SKIC2: variants seen among roughly 807,000 people sequenced by gnomAD.
SKIC2 encodes the protein superkiller complex protein 2.
At chr6:31,962,201 G>A in the SKIC2 span, 3 of 955,466 alleles carry the variant, frequency 3.1e-6, no homozygotes, top group Non-Finnish European at 4.8e-6. This position sits in a 1 kb window ranked among gnomAD's most constrained non-coding sequence, Gnocchi z 5.0. Context: ...AGCCCAGAGA[G>A]AAATGAAAAG....
chr6:31,968,939 C>CA, the SKIC2 span: 22 of 1,612,968 alleles, frequency 1.4e-5, no homozygotes, highest in Non-Finnish European at 1.9e-5. This position sits in a 1 kb window ranked among gnomAD's most constrained non-coding sequence, Gnocchi z 6.1. Context: ...TGGCTTGTGC[C>CA]ATGAGCAGCC....
At chr6:31,969,741 A>G in the SKIC2 span, 3 of 1,583,528 alleles carry the variant, frequency 1.9e-6, no homozygotes, top group South Asian at 3.5e-5. This position sits in a 1 kb window ranked among gnomAD's most constrained non-coding sequence, Gnocchi z 6.1. Context: ...ACATGATGAT[A>G]AAACAGCAAA....
the SKIC2 span, chr6:31,959,986 C>A: frequency 1.3e-6 from 2 of 1,506,960 alleles, no homozygotes; most frequent in Admixed American, 1.7e-5. Flanking sequence ...TTACCTAATG[C>A]CTCTCATCTT....
chr6:31,967,744 C>A, the SKIC2 span: 3 of 1,613,048 alleles, frequency 1.9e-6, no homozygotes, highest in Non-Finnish European at 2.5e-6. This position sits in a 1 kb window ranked among gnomAD's most constrained non-coding sequence, Gnocchi z 4.9. Flanking sequence ...GCAGAGTATT[C>A]ACAACCCTGG....
At chr6:31,962,061 G>A in the SKIC2 span, 7 of 1,611,876 alleles carry the variant, frequency 4.3e-6, no homozygotes, top group Admixed American at 1.2e-4. This position sits in a 1 kb window ranked among gnomAD's most constrained non-coding sequence, Gnocchi z 5.0. Context: ...CACGGTATGA[G>A]TTCCTTTGCC....
the SKIC2 span, chr6:31,967,683 C>G: frequency 2.5e-6 from 4 of 1,610,004 alleles, no homozygotes; most frequent in Non-Finnish European, 3.4e-6. This position sits in a 1 kb window ranked among gnomAD's most constrained non-coding sequence, Gnocchi z 4.9. Flanking sequence ...CTCATCACAC[C>G]CCCCTCTCCT....
At chr6:31,959,923 T>C in the SKIC2 span, 1 of 970,734 alleles carries the variant, frequency 1.0e-6, no homozygotes, top group Non-Finnish European at 1.6e-6. Context: ...CTGCCATTTC[T>C]GATCTGAACA....
chr6:31,962,408 G>T, the SKIC2 span: 27 of 1,613,384 alleles, frequency 1.7e-5, no homozygotes, highest in Admixed American at 4.3e-4. The surrounding 1 kb of genome is among the most constrained non-coding windows in gnomAD (Gnocchi z 5.0). Flanking sequence ...AGTCTGCGGA[G>T]GGACTGGCTA....
chr6:31,964,513 T>C, the SKIC2 span, among the ~76,000 whole-genome samples: 1 of 152,210 alleles, frequency 6.6e-6, no homozygotes, highest in South Asian at 2.1e-4. The surrounding 1 kb of genome is among the most constrained non-coding windows in gnomAD (Gnocchi z 5.0). Flanking sequence ...ATTCACAGTA[T>C]CATCCTGGAC....
chr6:31,965,766 G>A, the SKIC2 span: 15 of 1,517,830 alleles, frequency 9.9e-6, no homozygotes, highest in South Asian at 3.4e-5. The surrounding 1 kb of genome is among the most constrained non-coding windows in gnomAD (Gnocchi z 5.6). Context: ...GATCCTTTCT[G>A]TTCTCCTCTG....
At chr6:31,969,086 G>A in the SKIC2 span, 7 of 1,610,078 alleles carry the variant, frequency 4.3e-6, no homozygotes, top group African/African-American at 5.3e-5. The surrounding 1 kb of genome is among the most constrained non-coding windows in gnomAD (Gnocchi z 6.1). Flanking sequence ...ACACCCTCAA[G>A]CAGGTAGGGG....
chr6:31,966,968 A>ACT, the SKIC2 span: 1 of 1,612,308 alleles, frequency 6.2e-7, no homozygotes, highest in Non-Finnish European at 8.5e-7. This position sits in a 1 kb window ranked among gnomAD's most constrained non-coding sequence, Gnocchi z 5.9. Context: ...GGGCCTGGAG[A>ACT]CTCCCCTTTC....
chr6:31,959,458 TC>T, the SKIC2 span: 1 of 1,159,154 alleles, frequency 8.6e-7, no homozygotes, highest in Non-Finnish European at 1.3e-6. Flanking sequence ...TCCTTCACCC[TC>T]CTCACAGTAG....
the SKIC2 span, among the ~76,000 whole-genome samples, chr6:31,966,173 G>A: frequency 2.6e-5 from 4 of 151,994 alleles, no homozygotes; most frequent in Non-Finnish European, 4.4e-5. The surrounding 1 kb of genome is among the most constrained non-coding windows in gnomAD (Gnocchi z 5.9). Flanking sequence ...TCGGGTCACC[G>A]CAACCTCTGC....
chr6:31,965,954 G>A, the SKIC2 span: 12 of 1,612,446 alleles, frequency 7.4e-6, no homozygotes, highest in African/African-American at 4.0e-5. The surrounding 1 kb of genome is among the most constrained non-coding windows in gnomAD (Gnocchi z 5.6). Context: ...CACAGGCACC[G>A]TTATCCTGCT....
chr6:31,965,634 C>T, the SKIC2 span: 2 of 562,636 alleles, frequency 3.6e-6, no homozygotes, highest in Non-Finnish European at 6.4e-6. This position sits in a 1 kb window ranked among gnomAD's most constrained non-coding sequence, Gnocchi z 5.6. Context: ...AATACCTGCC[C>T]TATAGATTTG....
At chr6:31,963,562 A>G in the SKIC2 span, 1 of 1,562,650 alleles carries the variant, frequency 6.4e-7, no homozygotes, top group Non-Finnish European at 8.6e-7. This position sits in a 1 kb window ranked among gnomAD's most constrained non-coding sequence, Gnocchi z 5.3. Context: ...ACAAAAGGGT[A>G]AGCCTCGAGA....
the SKIC2 span, among the ~76,000 whole-genome samples, chr6:31,966,314 C>G: frequency 2.0e-5 from 3 of 151,354 alleles, no homozygotes; most frequent in African/African-American, 7.3e-5. The surrounding 1 kb of genome is among the most constrained non-coding windows in gnomAD (Gnocchi z 5.9). Flanking sequence ...CTATGTTGCA[C>G]AGGTTGGTCT....
the SKIC2 span, chr6:31,961,566 C>T: frequency 6.2e-7 from 1 of 1,611,490 alleles, no homozygotes; most frequent in Non-Finnish European, 8.5e-7. Flanking sequence ...ACAGCTGTAT[C>T]CACCCCAGAG....
Sources: gnomAD v4.1 joint callset for allele counts (sites outside exome capture counted in the v4.1 genomes callset) on GRCh38, gnomAD v4.1.1 for gene constraint, Gnocchi (gnomAD v3.1) non-coding constraint, MANE v1.5 for transcripts, NCBI Gene and HGNC (gene_info 2026-07-23, HGNC 2026-07-21) for gene names.